The following PRKCB variants were observed in gnomAD, a reference collection of about 807,000 sequenced individuals.
PRKCB encodes protein kinase C beta.
In PRKCB, 13 loss-of-function variants were observed where a neutral mutation model predicts 81.5. That is an observed-to-expected ratio of 0.16 (90% CI 0.10 to 0.25). The LOEUF (loss-of-function observed/expected upper bound fraction) is 0.25, where lower values mean the gene tolerates loss of function less well. Ranked by LOEUF, PRKCB falls within the 10% of genes least tolerant of loss-of-function variation. The probability of loss-of-function intolerance (pLI) is 1.00; values close to 1 mark genes in which losing one functional copy is unlikely to be tolerated. For missense variants in PRKCB, 509 were observed against 875.7 expected (o/e 0.58, Z 5.29); for synonymous variants, 335 against 321.4 (o/e 1.04, Z -0.45).
chr16:24,037,041 T>C (rs1965630769), intron 5 of PRKCB, among the ~76,000 whole-genome samples: 1 of 152,152 alleles, frequency 6.6e-6, no homozygotes, highest in South Asian at 2.1e-4. Flanking sequence ...CAGGCTGGAG[T>C]GTGGTGGCGC....
chr16:23,843,466 A>G (rs1378661782), intron 2 of PRKCB, among the ~76,000 whole-genome samples: 1 of 151,664 alleles, frequency 6.6e-6, no homozygotes, highest in African/African-American at 2.4e-5. Context: ...CTGACGGGGG[A>G]TTTCAGGCTC....
chr16:24,143,849 T>C (rs1966945165), intron 9 of PRKCB, among the ~76,000 whole-genome samples: 1 of 152,206 alleles, frequency 6.6e-6, no homozygotes, highest in Admixed American at 6.5e-5. Flanking sequence ...TGTTTGTTAG[T>C]CAAGCTTGCA....
chr16:24,017,498 GCACA>G (rs59633203), intron 3 of PRKCB, among the ~76,000 whole-genome samples: 3 of 148,330 alleles, frequency 2.0e-5, no homozygotes, highest in Admixed American at 6.7e-5. Context: ...AAACACGCAG[GCACA>G]CACACACACA....
chr16:23,948,854 T>C (rs1371168781), intron 2 of PRKCB, among the ~76,000 whole-genome samples: 1 of 152,190 alleles, frequency 6.6e-6, no homozygotes, highest in Non-Finnish European at 1.5e-5. Flanking sequence ...CCAGATCCTC[T>C]GGTTCCAAAG....
chr16:23,938,254 A>G (rs1964088907), intron 2 of PRKCB, among the ~76,000 whole-genome samples: 1 of 152,230 alleles, frequency 6.6e-6, no homozygotes, highest in Non-Finnish European at 1.5e-5. Flanking sequence ...GTTATCATCT[A>G]CATATTTGAT....
intron 9 of PRKCB, among the ~76,000 whole-genome samples, chr16:24,131,096 T>C (rs1018866027): frequency 9.8e-5 from 15 of 152,312 alleles, no homozygotes; most frequent in African/African-American, 3.6e-4. Flanking sequence ...TTCTTGAAGC[T>C]AGCACGAGCC....
chr16:23,981,189 C>T (rs1164246586), intron 2 of PRKCB, among the ~76,000 whole-genome samples: 1 of 152,158 alleles, frequency 6.6e-6, no homozygotes, highest in Non-Finnish European at 1.5e-5. Context: ...TGCCTTCCTT[C>T]TGGAGGCTCT....
At chr16:23,856,528 C>CT (rs11398957) in intron 2 of PRKCB, among the ~76,000 whole-genome samples, 137,086 of 145,372 alleles carry the variant, frequency 0.94, 64,633 homozygotes, top group East Asian at 1. Flanking sequence ...TTTCACGAAA[C>CT]TTTTTTTTTT....
At chr16:23,845,441 C>T (rs1477111235) in intron 2 of PRKCB, among the ~76,000 whole-genome samples, 1 of 151,884 alleles carries the variant, frequency 6.6e-6, no homozygotes, top group Non-Finnish European at 1.5e-5. Context: ...TGTCAAGGAA[C>T]TAGAGCTAAA....
intron 2 of PRKCB, among the ~76,000 whole-genome samples, chr16:23,964,737 C>T (rs1354465765): frequency 6.7e-6 from 1 of 150,232 alleles, no homozygotes; most frequent in African/African-American, 2.5e-5. Flanking sequence ...GTCGCGATCT[C>T]AGCTCACTGC....
At chr16:24,049,054 T>TTG (rs1965802948) in intron 5 of PRKCB, among the ~76,000 whole-genome samples, 1 of 134,246 alleles carries the variant, frequency 7.4e-6, no homozygotes, top group Non-Finnish European at 1.6e-5. Context: ...CCTGTTTTTT[T>TTG]TTTTTTTTTT....
At chr16:24,019,094 G>A (rs1471074112) in intron 3 of PRKCB, among the ~76,000 whole-genome samples, 1 of 151,550 alleles carries the variant, frequency 6.6e-6, no homozygotes, top group African/African-American at 2.4e-5. Context: ...AGAAAAGTCT[G>A]TGCTGAGAAG....
rs530806167 is a variant in PRKCB, at chr16:24,163,226, A to T, written c.1239+8369A>T. Among the ~76,000 whole-genome samples the T allele has an allele frequency of 2.6e-5, 4 of 152,328 alleles. 1 individual carries two copies. The South Asian group carries it at 8.3e-4, about 32-fold the overall frequency. ...GGAGGGAATAATTGGTGCTCATGCC[A>T]GGTGAGAGGCACCATCTTGAGTCCA... On this transcript the variant is annotated intron_variant, in intron 10 of 16. Coordinates refer to ENST00000643927, the MANE Select transcript of PRKCB (RefSeq NM_002738.7).
intron 8 of PRKCB, among the ~76,000 whole-genome samples, chr16:24,121,593 T>A (rs1055107046): frequency 6.6e-6 from 1 of 152,100 alleles, no homozygotes; most frequent in African/African-American, 2.4e-5. Context: ...CCCAGGCTGG[T>A]CTTGAACTCC....
intron 7 of PRKCB, among the ~76,000 whole-genome samples, chr16:24,103,627 G>A (rs1262740430): frequency 2.6e-5 from 4 of 152,178 alleles, no homozygotes; most frequent in Non-Finnish European, 5.9e-5. Flanking sequence ...GCATGATGCT[G>A]AGGTTTGGGG....
At chr16:23,974,211 A>C (rs1436182258) in intron 2 of PRKCB, among the ~76,000 whole-genome samples, 1 of 152,072 alleles carries the variant, frequency 6.6e-6, no homozygotes, top group Non-Finnish European at 1.5e-5. Context: ...CTGAGAAATG[A>C]GGCAGAAGAA....
At chr16:23,952,314 G>C (rs1041412837) in intron 2 of PRKCB, among the ~76,000 whole-genome samples, 1 of 152,202 alleles carries the variant, frequency 6.6e-6, no homozygotes, top group Non-Finnish European at 1.5e-5. Flanking sequence ...AAGCTCTGCT[G>C]ATTATCAAAC....
intron 2 of PRKCB, among the ~76,000 whole-genome samples, chr16:23,954,724 A>G (rs1213286601): frequency 6.6e-6 from 1 of 152,190 alleles, no homozygotes; most frequent in African/African-American, 2.4e-5. Flanking sequence ...GAAGTTGGGA[A>G]TAAAATACTC....
chr16:24,019,585 G>A (rs1393976244), intron 3 of PRKCB, among the ~76,000 whole-genome samples: 1 of 152,062 alleles, frequency 6.6e-6, no homozygotes, highest in African/African-American at 2.4e-5. Context: ...CTAATATGGC[G>A]AAACCCTGTC....
Sources: allele counts gnomAD v4.1 joint callset (sites outside exome capture counted in the v4.1 genomes callset), GRCh38; gene constraint gnomAD v4.1.1; transcripts MANE v1.5; gene names NCBI Gene and HGNC (gene_info 2026-07-23, HGNC 2026-07-21).